Variants in ASIC2 observed in about 807,000 individuals in gnomAD.
ASIC2 encodes the protein acid-sensing ion channel 2.
A neutral mutation model predicts 57.3 loss-of-function variants in ASIC2; 25 were observed. The ratio of observed to expected loss-of-function variants is 0.44; its 90% confidence interval spans 0.32 to 0.61. ASIC2 has a LOEUF of 0.61. ASIC2 is among the 20% of genes least tolerant of loss of function. The pLI is 0.06. For synonymous variants in ASIC2, 319 were observed against 307.5 expected (o/e 1.04, Z -0.39); for missense variants, 641 against 738.1 (o/e 0.87, Z 1.52).
intron 1 of ASIC2, among the ~76,000 whole-genome samples, chr17:33,158,130 C>T (rs544004034): frequency 6.6e-6 from 1 of 152,350 alleles, no homozygotes; most frequent in East Asian, 1.9e-4. Flanking sequence ...CCGTAGTGCT[C>T]ATCACCATCT....
intron 1 of ASIC2, among the ~76,000 whole-genome samples, chr17:33,924,044 A>C (rs1915770235): frequency 6.6e-6 from 1 of 152,220 alleles, no homozygotes; most frequent in Non-Finnish European, 1.5e-5. Context: ...CCCTGCTCCC[A>C]TCCCTCTCTT....
intron 1 of ASIC2, among the ~76,000 whole-genome samples, chr17:33,671,199 C>T (rs188147946): frequency 1.3e-5 from 2 of 152,310 alleles, no homozygotes; most frequent in Non-Finnish European, 1.5e-5. Context: ...CCTGCCTTGA[C>T]CTCCTTTCTT....
intron 1 of ASIC2, among the ~76,000 whole-genome samples, chr17:33,245,444 C>T (rs374492502): frequency 3.3e-5 from 5 of 152,220 alleles, no homozygotes; most frequent in Admixed American, 2.6e-4. Context: ...CACTGAGCCC[C>T]GGGCACTGTG....
chr17:33,222,154 T>C (rs1432115636), intron 1 of ASIC2, among the ~76,000 whole-genome samples: 7 of 152,238 alleles, frequency 4.6e-5, no homozygotes, highest in Admixed American at 2.6e-4. Context: ...TCACAACTCA[T>C]GGCTTTCCAT....
chr17:33,636,025 C>T (rs1906351674), intron 1 of ASIC2, among the ~76,000 whole-genome samples: 1 of 152,186 alleles, frequency 6.6e-6, no homozygotes, highest in African/African-American at 2.4e-5. Context: ...TTGACATGGA[C>T]TGATGCCCAT....
At position 34,111,092 on chromosome 17, in the gene ASIC2, G is replaced by A. The variant is rs769714449; in HGVS notation, c.555+44886C>T. 2.6e-5 allele frequency among the ~76,000 whole-genome samples: 4 copies of A among 151,962 alleles called. No individual in the cohort carries two copies. In the South Asian group the frequency reaches 6.2e-4, roughly 24 times the overall value. ...TACAAAAAAGTTAGCTGGGCATGGC[G>A]GCAGGCACCTGTAATCCCAGCTACT... On this transcript the variant is annotated intron_variant, in intron 1 of 9. Coordinates refer to the ASIC2 transcript ENST00000359872.
chr17:33,211,536 GA>G (rs10717410), intron 1 of ASIC2, among the ~76,000 whole-genome samples: 10,692 of 126,454 alleles, frequency 0.085, 662 homozygotes, highest in African/African-American at 0.19. Flanking sequence ...CTCTTTAAAT[GA>G]AAAAAAAAAA....
intron 1 of ASIC2, among the ~76,000 whole-genome samples, chr17:33,929,916 C>T (rs1291715465): frequency 6.6e-6 from 1 of 152,210 alleles, no homozygotes; most frequent in Non-Finnish European, 1.5e-5. Context: ...ACAGAGAGCC[C>T]TTGGCTCATA....
intron 1 of ASIC2, among the ~76,000 whole-genome samples, chr17:33,355,511 G>A (rs1908342094): frequency 1.3e-5 from 2 of 151,860 alleles, no homozygotes; most frequent in Non-Finnish European, 1.5e-5. Flanking sequence ...GGGGTGTTTA[G>A]ATGGGGGCGG....
intron 1 of ASIC2, among the ~76,000 whole-genome samples, chr17:33,913,589 T>G (rs529180500): frequency 1.7e-4 from 26 of 152,288 alleles, no homozygotes; most frequent in Admixed American, 3.9e-4. Context: ...CTGAATTATA[T>G]CTCTAAAATG....
chr17:34,108,540 T>C (rs189140872), intron 1 of ASIC2, among the ~76,000 whole-genome samples: 1 of 152,302 alleles, frequency 6.6e-6, no homozygotes, highest in Non-Finnish European at 1.5e-5. Flanking sequence ...ATGACTTGTT[T>C]ATGATATTTA....
intron 1 of ASIC2, among the ~76,000 whole-genome samples, chr17:33,417,220 G>A (rs1043605624): frequency 1.3e-5 from 2 of 152,078 alleles, no homozygotes; most frequent in Non-Finnish European, 2.9e-5. Context: ...ACATTTCTTA[G>A]AATCTTTAAT....
chr17:33,229,887 G>A (rs1308570298), intron 1 of ASIC2, among the ~76,000 whole-genome samples: 5 of 152,206 alleles, frequency 3.3e-5, no homozygotes, highest in Non-Finnish European at 7.3e-5. Flanking sequence ...TATTCAAGTG[G>A]AGAGCAGGCA....
At chr17:33,341,378 G>C (rs1019637410) in intron 1 of ASIC2, among the ~76,000 whole-genome samples, 1 of 152,184 alleles carries the variant, frequency 6.6e-6, no homozygotes, top group African/African-American at 2.4e-5. Flanking sequence ...AGCCACTTTG[G>C]AGAGTGAAAT....
chr17:33,690,318 G>A (rs1200779644), intron 1 of ASIC2, among the ~76,000 whole-genome samples: 3 of 152,178 alleles, frequency 2.0e-5, no homozygotes, highest in Non-Finnish European at 4.4e-5. Flanking sequence ...TGCTCCCTAT[G>A]GCACCAGTTG....
chr17:34,108,144 A>C (rs1189540126), intron 1 of ASIC2, among the ~76,000 whole-genome samples: 1 of 152,060 alleles, frequency 6.6e-6, no homozygotes, highest in Non-Finnish European at 1.5e-5. Flanking sequence ...GATCTTCCTT[A>C]CTTATTTTCA....
In ASIC2 at chr17:33,761,621, C is replaced by T. The variant is rs150042217; in HGVS notation, c.555+394357G>A. Among the ~76,000 whole-genome samples the T allele has an allele frequency of 5.7e-4, 86 of 152,206 alleles. No homozygotes were observed. In the East Asian group the frequency reaches 0.012, roughly 22 times the overall value. ...TATGCCAGTGGTGGCTCATGTGGTCCAGGCTGAAAGAAATGCCATGGCCAA... is the reference window on the plus strand; with the variant it reads ...TATGCCAGTGGTGGCTCATGTGGTCTAGGCTGAAAGAAATGCCATGGCCAA... On this transcript the variant is annotated intron_variant, in intron 1 of 9. Coordinates refer to the ASIC2 transcript ENST00000359872.
At chr17:34,042,011 T>C (rs555721672) in intron 1 of ASIC2, among the ~76,000 whole-genome samples, 1 of 152,198 alleles carries the variant, frequency 6.6e-6, no homozygotes, top group Non-Finnish European at 1.5e-5. Flanking sequence ...ATTAGAGAAT[T>C]GTAGGACAAA....
intron 1 of ASIC2, among the ~76,000 whole-genome samples, chr17:33,730,017 C>A (rs1461153302): frequency 6.6e-6 from 1 of 152,150 alleles, no homozygotes; most frequent in Non-Finnish European, 1.5e-5. Flanking sequence ...TGGGATATTT[C>A]ATTTTAATTA....
Sources: gnomAD v4.1 joint callset for allele counts (sites outside exome capture counted in the v4.1 genomes callset) on GRCh38, gnomAD v4.1.1 for gene constraint, MANE v1.5 for transcripts, NCBI Gene and HGNC (gene_info 2026-07-23, HGNC 2026-07-21) for gene names.